RUBCN: variants seen among roughly 807,000 people sequenced by gnomAD.
RUBCN encodes run domain Beclin-1-interacting and cysteine-rich domain-containing protein.
RUBCN carries 74 observed loss-of-function variants against 113.2 expected under a neutral mutation model. That is an observed-to-expected ratio of 0.65 (90% CI 0.54 to 0.79). The LOEUF (loss-of-function observed/expected upper bound fraction) is 0.79. Among genes scored for constraint, RUBCN ranks in the 30% least tolerant of loss-of-function variants. The pLI is 0.00. For synonymous variants in RUBCN, 480 were observed against 490.0 expected, an observed-to-expected ratio of 0.98 and a Z score of 0.27; for missense variants, 1,109 against 1,251.7, an observed-to-expected ratio of 0.89 and a Z score of 1.72.
intron 1 of RUBCN, among the ~76,000 whole-genome samples, chr3:197,720,566 T>G (rs1726035006): frequency 6.6e-6 from 1 of 151,978 alleles, no homozygotes; most frequent in African/African-American, 2.4e-5. Flanking sequence ...GGCTACCATG[T>G]CTGGCTAATT....
In RUBCN at chr3:197,684,223, T is replaced by C. The variant is rs752681485; in HGVS notation, c.1787-6A>G. 2.3e-5 allele frequency: 37 copies of C among 1,612,714 alleles called. No individual in the cohort carries two copies. The South Asian group carries it at 3.1e-4, about 13-fold the overall frequency. On this transcript the variant is annotated splice_polypyrimidine_tract_variant and splice_region_variant and intron_variant, in intron 11 of 19. Transcript: ENST00000296343. Reference sequence around the variant, plus strand: ...GTTCCTTCTGATGTCAGCATCTACATGGAAACCAGAGATAAGGGGAGCGCA... The same window carrying C: ...GTTCCTTCTGATGTCAGCATCTACACGGAAACCAGAGATAAGGGGAGCGCA...
intron 1 of RUBCN, among the ~76,000 whole-genome samples, chr3:197,731,983 A>G (rs1000862867): frequency 3.3e-5 from 5 of 152,280 alleles, no homozygotes; most frequent in African/African-American, 1.2e-4. Flanking sequence ...CATATGGGAA[A>G]TAGAGAAGAG....
Position 197,670,840 on chromosome 3 carries a change from C to A in RUBCN, c.*4178G>T, listed in dbSNP as rs377472687. On this transcript the variant is annotated 3_prime_UTR_variant, in exon 20 of 20. Transcript: ENST00000296343. Reference sequence around the variant, plus strand: ...CTGAAGGACATTTGGGATGTGTGTCCTCTGATGATGACTGCTGGACAAACA... The same window carrying A: ...CTGAAGGACATTTGGGATGTGTGTCATCTGATGATGACTGCTGGACAAACA... Among the ~76,000 whole-genome samples the A allele has an allele frequency of 1.8e-4, 27 of 152,164 alleles. No homozygotes were observed. Among genetic ancestry groups the A allele is most frequent in the African/African-American group, 6.3e-4 (26 of 41,428 alleles).
At chr3:197,685,662 G>C (rs925553018) in intron 11 of RUBCN, among the ~76,000 whole-genome samples, 1 of 152,214 alleles carries the variant, frequency 6.6e-6, no homozygotes, top group African/African-American at 2.4e-5. Flanking sequence ...TGTTCTCTGA[G>C]CACAGGACAA....
chr3:197,718,304 A>G (rs965862319), intron 1 of RUBCN, among the ~76,000 whole-genome samples, 174 bp from the exon 2 acceptor site: 1 of 152,236 alleles, frequency 6.6e-6, no homozygotes, highest in Non-Finnish European at 1.5e-5. Context: ...GTTGTGAACA[A>G]TACTAATTTA....
intron 11 of RUBCN, among the ~76,000 whole-genome samples, chr3:197,687,392 T>C (rs1255872846): frequency 1.3e-5 from 2 of 152,274 alleles, no homozygotes; most frequent in Non-Finnish European, 2.9e-5. Context: ...TTATCTGTTA[T>C]GCCAGCTATC....
intron 1 of RUBCN, among the ~76,000 whole-genome samples, chr3:197,720,041 T>A (rs142677088): frequency 1.9e-4 from 29 of 152,232 alleles, no homozygotes; most frequent in African/African-American, 6.0e-4. Flanking sequence ...TAACTGTCTG[T>A]CCCCTTGGCC....
chr3:197,679,590 C>T (rs1229703573), intron 16 of RUBCN, among the ~76,000 whole-genome samples: 1 of 139,496 alleles, frequency 7.2e-6, no homozygotes, highest in Non-Finnish European at 1.5e-5. Context: ...ACCACTGGCT[C>T]CAGACTGTCC....
chr3:197,718,173 G>A, intron 1 of RUBCN, 43 bp from the exon 2 acceptor site: 1 of 1,610,276 alleles, frequency 6.2e-7, no homozygotes, highest in Non-Finnish European at 8.5e-7. Flanking sequence ...TACCTTTGCT[G>A]TACTTGATCC....
At chr3:197,706,768 T>C (rs1030775293) in intron 2 of RUBCN, among the ~76,000 whole-genome samples, 2 of 152,154 alleles carry the variant, frequency 1.3e-5, no homozygotes, top group Non-Finnish European at 2.9e-5. Context: ...ATATCAGAAC[T>C]TAATACACGA....
intron 18 of RUBCN, chr3:197,676,351 T>C: frequency 3.0e-6 from 3 of 997,100 alleles, no homozygotes; most frequent in Non-Finnish European, 3.6e-6. Flanking sequence ...TCCACTCTTG[T>C]CGCTCAGGCT....
chr3:197,705,860 T>C (rs1039408943), intron 2 of RUBCN, among the ~76,000 whole-genome samples: 1 of 152,090 alleles, frequency 6.6e-6, no homozygotes, highest in Non-Finnish European at 1.5e-5. Context: ...CCCGAACAGC[T>C]AGAACTACAG....
At position 197,700,990 on chromosome 3, in the gene RUBCN, C is replaced by A. The variant is rs928678602; in HGVS notation, c.884G>T (p.Ser295Ile). Residue 295 changes from serine (S) to isoleucine (I), a missense_variant, in exon 7 of 20, where the codon AGC becomes ATC. Coordinates refer to ENST00000296343, the MANE Select transcript of RUBCN (RefSeq NM_014687.4). ...TATGGGGCTGGTCAGAGTACTGGAG[C>A]TCATTTCATTTGGGGTCAAAGGGGA... The part of the protein sequence containing the change: ...RDSPLTPNEM[S>I]SSTLTSPIEA... 1.2e-6 allele frequency: 2 copies of A among 1,614,044 alleles called. No homozygotes were observed. Among genetic ancestry groups the A allele is most frequent in the African/African-American group, 1.3e-5 (1 of 74,898 alleles).
At chr3:197,736,002 G>A (rs1728083712) in intron 1 of RUBCN, among the ~76,000 whole-genome samples, 2 of 152,184 alleles carry the variant, frequency 1.3e-5, no homozygotes, top group South Asian at 4.1e-4. Context: ...AGGAAAAAGG[G>A]ACAGGTTTGA....
intron 7 of RUBCN, among the ~76,000 whole-genome samples, chr3:197,700,273 C>T (rs940692037): frequency 6.6e-6 from 1 of 152,178 alleles, no homozygotes; most frequent in Non-Finnish European, 1.5e-5. Flanking sequence ...AATGACAGAA[C>T]TTAATGGGAT....
chr3:197,694,541 G>T lies in RUBCN; in HGVS notation c.1518C>A (p.Ile506=). 34 of 1,614,152 alleles carry T rather than the reference G, an allele frequency of 2.1e-5. No homozygotes were observed. Among genetic ancestry groups the T allele is most frequent in the Non-Finnish European group, 2.9e-5 (34 of 1,180,036 alleles). Reference sequence around the variant, plus strand: ...TCATCATGTTGCACTTCATTAGCTCGATGGCAGCAATTAAGGACTCTGAGA... The same window carrying T: ...TCATCATGTTGCACTTCATTAGCTCTATGGCAGCAATTAAGGACTCTGAGA... ...FSISESLIAA[I]ELMKCNMMSQ... The change falls in exon 10 of 20, where the codon ATC becomes ATA. Residue 506 remains isoleucine, a synonymous_variant. Transcript: ENST00000296343.
At chr3:197,737,068 A>C (rs1728238333), upstream of RUBCN, 3 of 538,118 alleles carry the variant, frequency 5.6e-6, no homozygotes, top group African/African-American at 2.1e-5. Context: ...CCGCTCCCGC[A>C]GGCCGCGCCC....
At position 197,682,523 on chromosome 3, in the gene RUBCN, C is replaced by T. The variant is rs1352472890; in HGVS notation, c.2073G>A (p.Leu691=). ...YKLRIRVRGN[L]EWAPPRPQII... ...TCTGAGGCCGGGGCGGGGCCCACTC[C>T]AAGTTGCCACGAACACGAATCCGCA... Residue 691 remains leucine, a synonymous_variant, in exon 14 of 20, where the codon TTG becomes TTA. Transcript: ENST00000296343. 1.2e-6 allele frequency: 2 copies of T among 1,614,060 alleles called. No individual in the cohort carries two copies. The highest frequency in any genetic ancestry group is 2.7e-5 in the African/African-American group (2 of 74,914).
intron 2 of RUBCN, among the ~76,000 whole-genome samples, chr3:197,717,278 C>T (rs550983950): frequency 1.3e-5 from 2 of 151,816 alleles, no homozygotes; most frequent in Non-Finnish European, 2.9e-5. Context: ...CCCGTCTCTA[C>T]TAAAAAATAG....
Sources: allele counts gnomAD v4.1 joint callset (sites outside exome capture counted in the v4.1 genomes callset), GRCh38; gene constraint gnomAD v4.1.1; transcripts MANE v1.5; gene names NCBI Gene and HGNC (gene_info 2026-07-23, HGNC 2026-07-21).